The following ZNRF3 variants were observed in gnomAD, a reference collection of about 807,000 sequenced individuals.
ZNRF3 encodes the protein zinc and ring finger 3.
Under a neutral mutation model 72.5 loss-of-function variants are expected in ZNRF3, and 23 were observed. The ratio of observed to expected loss-of-function variants is 0.32; its 90% CI spans 0.23 to 0.45. The LOEUF (loss-of-function observed/expected upper bound fraction) is 0.45. Among genes scored for constraint, ZNRF3 ranks in the 20% least tolerant of loss-of-function variants. The pLI, the probability that ZNRF3 is intolerant of heterozygous loss-of-function variation, is 1.00. For missense variants in ZNRF3, 1,169 were observed against 1,272.1 expected, an observed-to-expected ratio of 0.92 and a Z score of 1.23; for synonymous variants, 610 against 545.3, an observed-to-expected ratio of 1.12 and a Z score of -1.65.
At chr22:29,024,579 AC>A (rs1301366210) in intron 2 of ZNRF3, among the ~76,000 whole-genome samples, 1 of 151,836 alleles carries the variant, frequency 6.6e-6, no homozygotes, top group Non-Finnish European at 1.5e-5. Context: ...CTTACCTCTC[AC>A]TGTGCATGTA....
intron 1 of ZNRF3, among the ~76,000 whole-genome samples, chr22:28,968,309 T>G (rs1034749256): frequency 6.6e-6 from 1 of 152,246 alleles, no homozygotes; most frequent in African/African-American, 2.4e-5. Flanking sequence ...TTTAAAAATA[T>G]CCATGTATTA....
At chr22:28,989,662 T>A (rs1409200652) in intron 2 of ZNRF3, among the ~76,000 whole-genome samples, 2 of 152,114 alleles carry the variant, frequency 1.3e-5, no homozygotes, top group African/African-American at 2.4e-5. Context: ...CCTGTGGATG[T>A]TGAAACTTGT....
intron 1 of ZNRF3, among the ~76,000 whole-genome samples, chr22:28,944,893 C>T (rs1471698541): frequency 6.6e-6 from 1 of 150,704 alleles, no homozygotes; most frequent in Non-Finnish European, 1.5e-5. Flanking sequence ...GCCACTGCAC[C>T]CCAGCCTGGG....
At chr22:28,892,982 A>G (rs2033918243) in intron 1 of ZNRF3, among the ~76,000 whole-genome samples, 1 of 152,068 alleles carries the variant, frequency 6.6e-6, no homozygotes, top group Non-Finnish European at 1.5e-5. Context: ...CCTGACTAAC[A>G]CAGTGAAACC....
At chr22:28,914,326 G>T (rs192176090) in intron 1 of ZNRF3, among the ~76,000 whole-genome samples, 23 of 152,238 alleles carry the variant, frequency 1.5e-4, no homozygotes, top group Admixed American at 2.0e-4. Flanking sequence ...CTTGGTTAAT[G>T]CAGGGAAGAG....
At chr22:28,897,855 G>A (rs1432825572) in intron 1 of ZNRF3, among the ~76,000 whole-genome samples, 2 of 152,114 alleles carry the variant, frequency 1.3e-5, no homozygotes, top group Non-Finnish European at 2.9e-5. Flanking sequence ...TACCGAACCG[G>A]AATTCTCCTA....
rs758423360 is a variant in ZNRF3 at position 29,050,109 on chromosome 22, G to A, written c.1928G>A (p.Arg643Gln). 33 of 1,607,736 alleles carry A rather than the reference G, an allele frequency of 2.1e-5. No individual in the cohort carries two copies. The highest frequency in any genetic ancestry group is 1.1e-4 in the East Asian group (5 of 44,862). ...LPAVHSHGAG[R>Q]GEPWPGPASP... ...GCGGTGCACAGTCATGGTGCTGGGC[G>A]GGGCGAGCCTTGGCCGGGCCCTGCC... Residue 643 changes from arginine to glutamine, a missense_variant, in exon 8 of 9, where the codon CGG becomes CAG. Transcript: ENST00000544604.
chr22:29,031,020 C>CGCCTG (rs2036739559), intron 2 of ZNRF3: 1 of 153,200 alleles, frequency 6.5e-6, no homozygotes. Context: ...CAGTGAAGCC[C>CGCCTG]GCCTGGCCGC....
At chr22:28,958,828 ACT>A (rs1357654138) in intron 1 of ZNRF3, among the ~76,000 whole-genome samples, 7 of 151,982 alleles carry the variant, frequency 4.6e-5, no homozygotes, top group African/African-American at 7.3e-5. Context: ...TAAACAAGTG[ACT>A]CTCTGTTCAG....
At chr22:29,042,835 C>T (rs529383970) in intron 3 of ZNRF3, among the ~76,000 whole-genome samples, 2 of 151,730 alleles carry the variant, frequency 1.3e-5, no homozygotes, top group Admixed American at 6.6e-5. Flanking sequence ...AGTGCAGTGG[C>T]GCAATTTCAG....
chr22:29,017,926 G>T (rs530263481), intron 2 of ZNRF3: 6 of 512,990 alleles, frequency 1.2e-5, no homozygotes, highest in South Asian at 8.5e-5. Flanking sequence ...GCATTGAAGC[G>T]CTTTGAGAGG....
chr22:28,924,204 A>G (rs1192374154), intron 1 of ZNRF3, among the ~76,000 whole-genome samples: 1 of 152,186 alleles, frequency 6.6e-6, no homozygotes. Context: ...CAGCATCTGG[A>G]GGGCTCCACT....
chr22:28,887,211 A>G (rs2033804508), intron 1 of ZNRF3, among the ~76,000 whole-genome samples: 1 of 147,356 alleles, frequency 6.8e-6, no homozygotes, highest in Non-Finnish European at 1.5e-5. Context: ...TCCTTATTAT[A>G]TGCCAACGAA....
chr22:28,925,877 G>C (rs568146748), intron 1 of ZNRF3, among the ~76,000 whole-genome samples: 10 of 152,052 alleles, frequency 6.6e-5, no homozygotes, highest in Admixed American at 2.6e-4. Context: ...AGTATGTAAG[G>C]TTCCCTTTTT....
At chr22:28,897,653 C>T (rs3885453) in intron 1 of ZNRF3, among the ~76,000 whole-genome samples, 4 of 152,102 alleles carry the variant, frequency 2.6e-5, no homozygotes, top group African/African-American at 9.7e-5. Context: ...TGCTGTAATA[C>T]GTGTCTTCAC....
intron 1 of ZNRF3, among the ~76,000 whole-genome samples, chr22:28,947,904 G>A (rs2035082290): frequency 6.6e-6 from 1 of 152,160 alleles, no homozygotes; most frequent in Admixed American, 6.5e-5. Context: ...GAGTGCAGTG[G>A]CGTGATCTCG....
At chr22:29,006,993 G>C (rs1014787610) in intron 2 of ZNRF3, among the ~76,000 whole-genome samples, 2 of 152,234 alleles carry the variant, frequency 1.3e-5, no homozygotes, top group Admixed American at 6.5e-5. Flanking sequence ...CATAAAACAG[G>C]TGTCATGATT....
At chr22:29,010,625 T>C (rs912802167) in intron 2 of ZNRF3, among the ~76,000 whole-genome samples, 1 of 152,262 alleles carries the variant, frequency 6.6e-6, no homozygotes, top group Non-Finnish European at 1.5e-5. Context: ...TGGCTTGCCT[T>C]TTCATCCTAT....
chr22:28,899,037 G>A (rs1049870445), intron 1 of ZNRF3, among the ~76,000 whole-genome samples: 3 of 144,512 alleles, frequency 2.1e-5, no homozygotes, highest in African/African-American at 7.7e-5. Context: ...TATTTCACTT[G>A]TGCTAGAGGG....
Sources: allele counts gnomAD v4.1 joint callset (sites outside exome capture counted in the v4.1 genomes callset), GRCh38; gene constraint gnomAD v4.1.1; transcripts MANE v1.5; gene names NCBI Gene and HGNC (gene_info 2026-07-23, HGNC 2026-07-21).